SPOCK3: variants seen among roughly 807,000 people sequenced by gnomAD.
The protein encoded by SPOCK3 is SPARC (osteonectin), cwcv and kazal like domains proteoglycan 3.
SPOCK3 carries 30 observed loss-of-function variants against 56.6 expected under a neutral mutation model. That is an observed-to-expected ratio of 0.53 (90% CI 0.40 to 0.72). SPOCK3 has a LOEUF of 0.72. Ranked by LOEUF, SPOCK3 falls within the 30% of genes least tolerant of loss-of-function variation. The pLI, the probability that SPOCK3 is intolerant of heterozygous loss-of-function variation, is 0.00. For synonymous variants in SPOCK3, 196 were observed against 183.3 expected, an observed-to-expected ratio of 1.07 and a Z score of -0.56; for missense variants, 527 against 530.0, an observed-to-expected ratio of 0.99 and a Z score of 0.06.
At chr4:166,765,792 T>C (rs1294001523) in intron 7 of SPOCK3, among the ~76,000 whole-genome samples, 2 of 152,190 alleles carry the variant, frequency 1.3e-5, no homozygotes, top group East Asian at 1.9e-4. Flanking sequence ...TGCCCATTTT[T>C]ATGATATTGA....
intron 4 of SPOCK3, among the ~76,000 whole-genome samples, chr4:166,942,293 C>T (rs1741165835): frequency 1.3e-5 from 2 of 151,606 alleles, no homozygotes; most frequent in African/African-American, 2.4e-5. Flanking sequence ...TCACTGAAAC[C>T]TCTGCCTCCT....
intron 2 of SPOCK3, among the ~76,000 whole-genome samples, chr4:167,173,260 C>T (rs565768047): frequency 1.3e-5 from 2 of 152,236 alleles, no homozygotes; most frequent in African/African-American, 4.8e-5. Flanking sequence ...TTTTACTTTT[C>T]ATTATTTTCT....
intron 6 of SPOCK3, among the ~76,000 whole-genome samples, chr4:166,863,989 T>G (rs963298314): frequency 6.6e-6 from 1 of 152,158 alleles, no homozygotes; most frequent in Non-Finnish European, 1.5e-5. Context: ...TACATTCTTC[T>G]CAGCACCACA....
intron 8 of SPOCK3, among the ~76,000 whole-genome samples, 168 bp from the exon 9 acceptor site, chr4:166,742,227 TATCTATC>T (rs1400425455): frequency 7.7e-5 from 7 of 90,676 alleles, no homozygotes; most frequent in Admixed American, 2.9e-4. Context: ...TACATGTGTC[TATCTATC>T]ATCTATCTAT....
At chr4:166,996,530 T>C (rs1219698903) in intron 4 of SPOCK3, among the ~76,000 whole-genome samples, 1 of 152,168 alleles carries the variant, frequency 6.6e-6, no homozygotes, top group Non-Finnish European at 1.5e-5. Flanking sequence ...ATGTATTTCA[T>C]ATTAAAGCAT....
intron 4 of SPOCK3, among the ~76,000 whole-genome samples, chr4:166,949,131 G>A (rs1428033885): frequency 6.6e-5 from 10 of 151,950 alleles, no homozygotes; most frequent in Admixed American, 2.6e-4. Flanking sequence ...CCAGTTGATC[G>A]CATCCGCTCC....
At chr4:167,037,715 G>A (rs1477627530) in intron 3 of SPOCK3, among the ~76,000 whole-genome samples, 1 of 152,172 alleles carries the variant, frequency 6.6e-6, no homozygotes, top group African/African-American at 2.4e-5. Flanking sequence ...CACTATAGAT[G>A]AATGTGTCAC....
At chr4:166,780,867 T>A (rs1249828188) in intron 7 of SPOCK3, among the ~76,000 whole-genome samples, 1 of 152,216 alleles carries the variant, frequency 6.6e-6, no homozygotes, top group East Asian at 1.9e-4. Flanking sequence ...AGGGGGACCC[T>A]CTCTGAGGCT....
intron 2 of SPOCK3, among the ~76,000 whole-genome samples, chr4:167,108,597 T>C (rs1489942208): frequency 6.6e-6 from 1 of 151,526 alleles, no homozygotes; most frequent in Non-Finnish European, 1.5e-5. Context: ...TTGTGGGAGA[T>C]AAAAATTAAA....
At chr4:166,939,909 A>G (rs887646363) in intron 4 of SPOCK3, among the ~76,000 whole-genome samples, 4 of 152,244 alleles carry the variant, frequency 2.6e-5, no homozygotes, top group East Asian at 1.9e-4. Flanking sequence ...AAGAGAAACT[A>G]GAAACACATA....
chr4:166,798,522 C>G (rs1427734400), intron 6 of SPOCK3, among the ~76,000 whole-genome samples: 1 of 152,114 alleles, frequency 6.6e-6, no homozygotes, highest in Admixed American at 6.6e-5. Flanking sequence ...ACAACAAGAA[C>G]AAAGTGACAG....
intron 2 of SPOCK3, among the ~76,000 whole-genome samples, chr4:167,230,643 T>C (rs1246816539): frequency 6.6e-6 from 1 of 152,080 alleles, no homozygotes; most frequent in Non-Finnish European, 1.5e-5. Context: ...CTACTGTACT[T>C]ATGTTTAAAT....
intron 2 of SPOCK3, among the ~76,000 whole-genome samples, chr4:167,179,948 G>A (rs1230643202): frequency 6.6e-6 from 1 of 152,180 alleles, no homozygotes; most frequent in Admixed American, 6.5e-5. Context: ...GCCAGGATTA[G>A]TACAGGATGG....
intron 3 of SPOCK3, among the ~76,000 whole-genome samples, chr4:167,001,585 T>A (rs1241706752): frequency 1.3e-5 from 2 of 152,194 alleles, no homozygotes; most frequent in Non-Finnish European, 2.9e-5. Context: ...AATACTGCTA[T>A]TGGTGATCGT....
At chr4:167,146,367 C>G (rs1032497020) in intron 2 of SPOCK3, among the ~76,000 whole-genome samples, 1 of 152,084 alleles carries the variant, frequency 6.6e-6, no homozygotes, top group Admixed American at 6.6e-5. Context: ...CTGTGGGAGA[C>G]TTTAACGCCT....
chr4:167,161,546 A>T (rs1372867338), intron 2 of SPOCK3, among the ~76,000 whole-genome samples: 1 of 152,138 alleles, frequency 6.6e-6, no homozygotes, highest in African/African-American at 2.4e-5. Flanking sequence ...CTGGGTATAT[A>T]CCCAAAGGAT....
intron 7 of SPOCK3, among the ~76,000 whole-genome samples, chr4:166,756,193 G>A (rs1271148445): frequency 1.0e-4 from 2 of 19,980 alleles, no homozygotes; most frequent in African/African-American, 2.4e-4. Context: ...TTAAGAAACG[G>A]CGCACCACGA....
At chr4:167,201,023 A>AT (rs1310595059) in intron 2 of SPOCK3, among the ~76,000 whole-genome samples, 1 of 152,054 alleles carries the variant, frequency 6.6e-6, no homozygotes, top group African/African-American at 2.4e-5. Context: ...CTTTAAAACA[A>AT]TTGAGCTGAG....
chr4:167,199,092 A>T (rs544876246), intron 2 of SPOCK3, among the ~76,000 whole-genome samples: 1 of 152,224 alleles, frequency 6.6e-6, no homozygotes, highest in African/African-American at 2.4e-5. Context: ...AATTGCATTC[A>T]AGTTACTTGA....
Sources: allele counts gnomAD v4.1 joint callset (sites outside exome capture counted in the v4.1 genomes callset), GRCh38; gene constraint gnomAD v4.1.1; transcripts MANE v1.5; gene names NCBI Gene and HGNC (gene_info 2026-07-23, HGNC 2026-07-21).